Variants in ERBB4 observed in about 807,000 individuals in gnomAD.
The protein encoded by ERBB4 is receptor tyrosine-protein kinase erbB-4.
A neutral mutation model predicts 158.0 loss-of-function variants in ERBB4; 42 were observed. The observed-to-expected ratio is 0.27, with a 90% CI of 0.21 to 0.34. The LOEUF is 0.34. Among genes scored for constraint, ERBB4 ranks in the 10% least tolerant of loss-of-function variants. The pLI, the probability that ERBB4 is intolerant of heterozygous loss-of-function variation, is 1.00. For missense variants in ERBB4, 1,333 were observed against 1,624.1 expected (o/e 0.82, Z 3.08); for synonymous variants, 583 against 558.7 (o/e 1.04, Z -0.61).
At chr2:211,624,810 G>A (rs959796249) in intron 17 of ERBB4, among the ~76,000 whole-genome samples, 2 of 152,226 alleles carry the variant, frequency 1.3e-5, no homozygotes, top group South Asian at 2.1e-4. Context: ...GGTATTGGGA[G>A]GGCCACTGTG....
At chr2:212,143,386 C>A (rs751400445) in intron 1 of ERBB4, among the ~76,000 whole-genome samples, 6 of 151,970 alleles carry the variant, frequency 3.9e-5, no homozygotes, top group Non-Finnish European at 5.9e-5. Flanking sequence ...TTCCTGTTAA[C>A]TTCTTTGATC....
intron 19 of ERBB4, among the ~76,000 whole-genome samples, chr2:211,567,151 T>G (rs1246430982): frequency 6.6e-6 from 1 of 152,150 alleles, no homozygotes; most frequent in Non-Finnish European, 1.5e-5. Context: ...AAACCAAAAC[T>G]CAATGAGATT....
rs1008541474 is a variant in ERBB4 at position 211,503,476 on chromosome 2, C to T, written c.2487+58427G>A. Among the ~76,000 whole-genome samples the T allele has an allele frequency of 2.6e-5, 4 of 152,238 alleles. No individual in the cohort carries two copies. In the South Asian group the frequency reaches 8.3e-4, roughly 32 times the overall value. On this transcript the variant is annotated intron_variant, in intron 20 of 27. Coordinates refer to ENST00000342788, the MANE Select transcript of ERBB4 (RefSeq NM_005235.3). ...ACCGCAATGGGAGACCCACAGCATA[C>T]CCCACATTGATCTGCCTGAGTGGTT...
chr2:211,834,007 C>T (rs527714694), intron 3 of ERBB4, among the ~76,000 whole-genome samples: 60 of 152,162 alleles, frequency 3.9e-4, no homozygotes, highest in African/African-American at 1.4e-3. Context: ...TGTAGTCGAT[C>T]TTTACAGTCC....
intron 20 of ERBB4, among the ~76,000 whole-genome samples, chr2:211,549,046 T>G (rs2067014004): frequency 1.3e-5 from 2 of 152,142 alleles, no homozygotes; most frequent in African/African-American, 4.8e-5. Flanking sequence ...TAATTGTTTT[T>G]CTTTCCTTGT....
chr2:211,729,135 C>T (rs2074358492), intron 5 of ERBB4, among the ~76,000 whole-genome samples: 1 of 151,700 alleles, frequency 6.6e-6, no homozygotes, highest in African/African-American at 2.4e-5. Flanking sequence ...AAAATAGCAA[C>T]TTTTCCACAT....
intron 1 of ERBB4, among the ~76,000 whole-genome samples, chr2:212,143,655 G>C (rs2080559787): frequency 6.6e-6 from 1 of 152,058 alleles, no homozygotes; most frequent in Non-Finnish European, 1.5e-5. Context: ...CAGAAAAAGT[G>C]GGAGTGAATA....
chr2:211,826,186 T>C lies in ERBB4; in HGVS notation c.422-38027A>G, dbSNP rs1439957950. On this transcript the variant is annotated intron_variant, in intron 3 of 27. Coordinates refer to ENST00000342788, the MANE Select transcript of ERBB4 (RefSeq NM_005235.3). The stretch of plus-strand genomic sequence containing the variant: ...CATTTTGAAATGAAGTAGTGTGGTA[T>C]AAGGAGAATTGCACAAAATTAGTAA... 2.0e-5 allele frequency among the ~76,000 whole-genome samples: 3 copies of C among 151,768 alleles called. No homozygotes were observed. In the South Asian group the frequency reaches 6.2e-4, roughly 31 times the overall value.
intron 1 of ERBB4, among the ~76,000 whole-genome samples, chr2:212,316,585 T>C (rs2087290478): frequency 6.6e-6 from 1 of 151,552 alleles, no homozygotes; most frequent in Admixed American, 6.6e-5. Context: ...AAATCATTCT[T>C]TCACAGTATT....
chr2:212,058,624 G>C (rs2077658246), intron 2 of ERBB4, among the ~76,000 whole-genome samples: 1 of 152,148 alleles, frequency 6.6e-6, no homozygotes, highest in Admixed American at 6.5e-5. Flanking sequence ...TGGAATGCAA[G>C]GCTGGTTCAA....
At chr2:212,203,644 C>T (rs952697843) in intron 1 of ERBB4, among the ~76,000 whole-genome samples, 4 of 152,190 alleles carry the variant, frequency 2.6e-5, no homozygotes, top group Non-Finnish European at 5.9e-5. Flanking sequence ...CATCAATACT[C>T]ATGAAAAGGA....
At chr2:212,294,096 A>G (rs921513557) in intron 1 of ERBB4, among the ~76,000 whole-genome samples, 4 of 152,020 alleles carry the variant, frequency 2.6e-5, no homozygotes, top group Non-Finnish European at 4.4e-5. Context: ...TACTGTTACT[A>G]TACCATTATA....
intron 1 of ERBB4, among the ~76,000 whole-genome samples, chr2:212,461,182 G>A (rs550656524): frequency 6.6e-6 from 1 of 152,296 alleles, no homozygotes; most frequent in South Asian, 2.1e-4. Context: ...GCTGTGAGAA[G>A]AGGGCCACCA....
At chr2:211,590,923 T>C (rs190452538) in intron 19 of ERBB4, among the ~76,000 whole-genome samples, 1 of 152,198 alleles carries the variant, frequency 6.6e-6, no homozygotes, top group Non-Finnish European at 1.5e-5. Context: ...TAAAAACTTT[T>C]TGAAACTTTC....
intron 20 of ERBB4, among the ~76,000 whole-genome samples, chr2:211,506,036 G>A (rs1469000134): frequency 6.6e-6 from 1 of 150,998 alleles, no homozygotes; most frequent in Non-Finnish European, 1.5e-5. Context: ...GCTTATAAGA[G>A]AACCGTCTAA....
chr2:211,674,305 T>A (rs888708841), intron 13 of ERBB4, among the ~76,000 whole-genome samples: 1 of 152,266 alleles, frequency 6.6e-6, no homozygotes, highest in South Asian at 2.1e-4. Context: ...AAGTGATACA[T>A]TAAAATATAT....
chr2:211,856,618 GC>G (rs1336405347), intron 3 of ERBB4, among the ~76,000 whole-genome samples: 2 of 151,742 alleles, frequency 1.3e-5, no homozygotes, highest in Non-Finnish European at 2.9e-5. Flanking sequence ...CGATCTCCTG[GC>G]CTCGTGATCC....
chr2:211,853,068 G>A (rs57053115), intron 3 of ERBB4, among the ~76,000 whole-genome samples: 21,773 of 151,830 alleles, frequency 0.14, 1,914 homozygotes, highest in African/African-American at 0.24. Flanking sequence ...CCCTTTCTGT[G>A]CTTGGGGAAA....
chr2:211,628,901 T>C (rs939123175), intron 17 of ERBB4, among the ~76,000 whole-genome samples: 1 of 152,228 alleles, frequency 6.6e-6, no homozygotes, highest in African/African-American at 2.4e-5. Flanking sequence ...GGTTTTGATT[T>C]GCATTTCTCT....
Sources: allele counts gnomAD v4.1 joint callset (sites outside exome capture counted in the v4.1 genomes callset), GRCh38; gene constraint gnomAD v4.1.1; transcripts MANE v1.5; gene names NCBI Gene and HGNC (gene_info 2026-07-23, HGNC 2026-07-21).